The following CEP170 variants were observed in gnomAD, a reference collection of about 807,000 sequenced individuals.
CEP170 encodes the protein centrosomal protein 170.
In CEP170, 21 loss-of-function variants were observed where a neutral mutation model predicts 151.9. That is an observed-to-expected ratio of 0.14 (90% confidence interval 0.10 to 0.20). The LOEUF (loss-of-function observed/expected upper bound fraction) is 0.20, where lower values mean the gene tolerates loss of function less well. CEP170 is among the 10% of genes least tolerant of loss of function. CEP170 has a pLI of 1.00. For missense variants in CEP170, 964 were observed against 1,892.9 expected (o/e 0.51, Z 9.11); for synonymous variants, 356 against 648.8 (o/e 0.55, Z 6.86).
rs767093525 is a variant in CEP170 at position 243,164,721 on chromosome 1, G to A, written c.3239C>T (p.Pro1080Leu). ...TTTACTAGATGAACCAGATACCACCGGAGAAGTCTTAGATTTCGTTACTTT... is the reference window on the plus strand; with the variant it reads ...TTTACTAGATGAACCAGATACCACCAGAGAAGTCTTAGATTTCGTTACTTT... ...GSKVTKSKTS[P>L]VVSGSSSKST... The change falls in exon 13 of 20, where the codon CCG becomes CTG. Residue 1080 changes from proline to leucine, a missense_variant. Physicochemically the swap from Pro to Leu is moderately conservative, Grantham distance 98. Transcript: ENST00000366542. 116 of 1,613,336 alleles carry A rather than the reference G, an allele frequency of 7.2e-5. No individual in the cohort carries two copies. The highest frequency in any genetic ancestry group is 2.1e-4 in the South Asian group (19 of 91,028).
intron 13 of CEP170, among the ~76,000 whole-genome samples, chr1:243,160,991 A>G (rs2058020515): frequency 6.6e-6 from 1 of 151,682 alleles, no homozygotes; most frequent in African/African-American, 2.4e-5. Context: ...TCTTGCCAAA[A>G]TAAATCTGGA....
intron 1 of CEP170, among the ~76,000 whole-genome samples, chr1:243,238,807 G>A (rs1418947860): frequency 6.6e-6 from 1 of 152,110 alleles, no homozygotes; most frequent in Admixed American, 6.5e-5. Flanking sequence ...TGGTGCTAAC[G>A]GTTCATGGTT....
At chr1:243,204,196 A>G (rs2061257098) in intron 4 of CEP170, among the ~76,000 whole-genome samples, 1 of 152,222 alleles carries the variant, frequency 6.6e-6, no homozygotes, top group Non-Finnish European at 1.5e-5. Context: ...CACATAGATA[A>G]GGAAAAATCT....
chr1:243,186,998 T>C (rs887876625), intron 8 of CEP170, among the ~76,000 whole-genome samples: 1 of 152,192 alleles, frequency 6.6e-6, no homozygotes, highest in African/African-American at 2.4e-5. Flanking sequence ...TATTGCAAAA[T>C]TTTTTCCACA....
chr1:243,175,549 T>C (rs1364524325), intron 10 of CEP170, among the ~76,000 whole-genome samples: 1 of 152,212 alleles, frequency 6.6e-6, no homozygotes, highest in Non-Finnish European at 1.5e-5. Flanking sequence ...ATACTGTCTA[T>C]ATACTTAAAG....
chr1:243,184,527 C>T (rs2059820329), intron 10 of CEP170, among the ~76,000 whole-genome samples: 1 of 151,976 alleles, frequency 6.6e-6, no homozygotes, highest in African/African-American at 2.4e-5. Context: ...CAATGGGTCT[C>T]TAAAAGTTTG....
At chr1:243,208,498 A>G (rs1334720608) in intron 4 of CEP170, among the ~76,000 whole-genome samples, 1 of 151,974 alleles carries the variant, frequency 6.6e-6, no homozygotes, top group Non-Finnish European at 1.5e-5. Context: ...GCTGGCTCCA[A>G]CCACACTGGC....
intron 1 of CEP170, among the ~76,000 whole-genome samples, chr1:243,226,065 ATATC>A (rs2063228403): frequency 2.3e-5 from 3 of 129,606 alleles, no homozygotes; most frequent in Non-Finnish European, 3.4e-5. Context: ...CTAGATATAT[ATATC>A]TATATCTAGA....
intron 8 of CEP170, among the ~76,000 whole-genome samples, chr1:243,189,194 T>G (rs1005035517): frequency 2.0e-5 from 3 of 152,188 alleles, no homozygotes; most frequent in African/African-American, 7.2e-5. Flanking sequence ...CATTAATCCC[T>G]CTATTTGGAA....
chr1:243,135,072 C>T (rs1406205644), intron 17 of CEP170, among the ~76,000 whole-genome samples: 1 of 152,044 alleles, frequency 6.6e-6, no homozygotes, highest in Non-Finnish European at 1.5e-5. Context: ...TAAAAAGCTA[C>T]ACATTTTAAA....
At chr1:243,167,860 T>C (rs1194529565) in intron 12 of CEP170, among the ~76,000 whole-genome samples, 10 of 151,916 alleles carry the variant, frequency 6.6e-5, no homozygotes, top group Admixed American at 6.6e-4. Flanking sequence ...TTTGTATTTT[T>C]CCAGTATTTC....
chr1:243,196,706 T>C (rs577926779), intron 7 of CEP170, among the ~76,000 whole-genome samples: 8 of 152,090 alleles, frequency 5.3e-5, no homozygotes, highest in Non-Finnish European at 8.8e-5. Flanking sequence ...TTTCCCCCTC[T>C]CAGTACTAGG....
intron 7 of CEP170, among the ~76,000 whole-genome samples, chr1:243,194,441 C>G (rs1261852267): frequency 1.3e-5 from 2 of 151,738 alleles, no homozygotes; most frequent in African/African-American, 2.4e-5. Flanking sequence ...TTAAATTATA[C>G]TGAAACTTCT....
At chr1:243,197,121 C>T (rs1210559764) in intron 7 of CEP170, among the ~76,000 whole-genome samples, 2 of 151,996 alleles carry the variant, frequency 1.3e-5, no homozygotes, top group Non-Finnish European at 2.9e-5. Context: ...ATGTGTTATA[C>T]AAAATAAACT....
rs2056931768 is a variant in CEP170, at chr1:243,150,227, TG to T, written c.3911+5993del. ...GTGCAGTGGCGTGATCTCGGCTCACTGCAACCTCCGCTTCCCAAGTTTCAAC... is the reference window on the plus strand; with the variant it reads ...GTGCAGTGGCGTGATCTCGGCTCACTCAACCTCCGCTTCCCAAGTTTCAAC... On this transcript the variant is annotated intron_variant, in intron 14 of 19. Coordinates refer to ENST00000366542, the MANE Select transcript of CEP170 (RefSeq NM_014812.3). Among the ~76,000 whole-genome samples, 3 of 152,322 alleles carry T rather than the reference TG, an allele frequency of 2.0e-5. No homozygotes were observed. In the South Asian group the frequency reaches 6.2e-4, roughly 32 times the overall value.
intron 1 of CEP170, among the ~76,000 whole-genome samples, chr1:243,236,325 G>A (rs2064252690): frequency 6.6e-6 from 1 of 152,098 alleles, no homozygotes. Flanking sequence ...AATGATGCAG[G>A]TGATTCTGCC....
At chr1:243,246,389 G>A (rs1405643787) in intron 1 of CEP170, among the ~76,000 whole-genome samples, 1 of 151,802 alleles carries the variant, frequency 6.6e-6, no homozygotes, top group African/African-American at 2.4e-5. Flanking sequence ...GCACCACCAC[G>A]CTCAGCTAAT....
chr1:243,192,911 C>A (rs2060402424), intron 7 of CEP170, among the ~76,000 whole-genome samples: 1 of 151,974 alleles, frequency 6.6e-6, no homozygotes, highest in Non-Finnish European at 1.5e-5. Flanking sequence ...TCAAAAAAAT[C>A]TAAACACAAG....
chr1:243,234,041 T>C (rs960700855), intron 1 of CEP170, among the ~76,000 whole-genome samples: 2 of 152,174 alleles, frequency 1.3e-5, no homozygotes, highest in African/African-American at 2.4e-5. Flanking sequence ...AAACACATGT[T>C]AAGGGCAGTC....
Sources: gnomAD v4.1 joint callset for allele counts (sites outside exome capture counted in the v4.1 genomes callset) on GRCh38, gnomAD v4.1.1 for gene constraint, MANE v1.5 for transcripts, NCBI Gene and HGNC (gene_info 2026-07-23, HGNC 2026-07-21) for gene names.